Variants in SH3GL2 observed in about 807,000 individuals in gnomAD.
SH3GL2 encodes endophilin-A1.
Under a neutral mutation model 46.0 loss-of-function variants are expected in SH3GL2, and 24 were observed. The ratio of observed to expected loss-of-function variants is 0.52; its 90% confidence interval spans 0.38 to 0.73. SH3GL2 has a LOEUF of 0.73. SH3GL2 is among the 30% of genes least tolerant of loss of function. The pLI is 0.00. For missense variants in SH3GL2, 413 were observed against 424.2 expected, an observed-to-expected ratio of 0.97 and a Z score of 0.23; for synonymous variants, 196 against 147.1, an observed-to-expected ratio of 1.33 and a Z score of -2.40.
At chr9:17,699,910 TTA>T (rs1821304405) in intron 1 of SH3GL2, among the ~76,000 whole-genome samples, 1 of 152,180 alleles carries the variant, frequency 6.6e-6, no homozygotes, top group East Asian at 1.9e-4. Flanking sequence ...CACTCAGGAG[TTA>T]TGTTGCTGTA....
intron 1 of SH3GL2, among the ~76,000 whole-genome samples, chr9:17,591,845 G>C (rs887307692): frequency 2.6e-5 from 4 of 152,154 alleles, no homozygotes; most frequent in Admixed American, 2.6e-4. Context: ...TTCTGTAGGC[G>C]CTTTCCACAT....
At chr9:17,782,320 T>C (rs1259102194) in intron 3 of SH3GL2, among the ~76,000 whole-genome samples, 1 of 152,126 alleles carries the variant, frequency 6.6e-6, no homozygotes, top group African/African-American at 2.4e-5. Context: ...TTTTTCTGAT[T>C]CTGTGAGAGC....
chr9:17,599,053 A>G (rs923679679), intron 1 of SH3GL2, among the ~76,000 whole-genome samples: 5 of 152,254 alleles, frequency 3.3e-5, no homozygotes, highest in Non-Finnish European at 5.9e-5. Context: ...AAAATCATCA[A>G]AAAAGAATAG....
chr9:17,681,873 A>G (rs1820778157), intron 1 of SH3GL2, among the ~76,000 whole-genome samples: 1 of 152,182 alleles, frequency 6.6e-6, no homozygotes, highest in Admixed American at 6.5e-5. Context: ...AACCCCATCA[A>G]AAAGTAGGCA....
intron 1 of SH3GL2, among the ~76,000 whole-genome samples, chr9:17,638,162 A>C (rs564445763): frequency 1.4e-4 from 22 of 151,992 alleles, no homozygotes; most frequent in Middle Eastern, 3.4e-3. Context: ...CTCTCAAAAA[A>C]AAAACAAAAA....
intron 1 of SH3GL2, among the ~76,000 whole-genome samples, chr9:17,711,283 G>T (rs1037045954): frequency 1.3e-5 from 2 of 151,846 alleles, no homozygotes; most frequent in African/African-American, 4.8e-5. Flanking sequence ...CCTTGACTTT[G>T]ATGGGATGTC....
chr9:17,591,321 C>G (rs1392381720), intron 1 of SH3GL2: 1 of 151,608 alleles, frequency 6.6e-6, no homozygotes, highest in East Asian at 1.9e-4. Context: ...TCTAAATTAC[C>G]TAAATTCTTA....
intron 3 of SH3GL2, among the ~76,000 whole-genome samples, chr9:17,774,175 A>G (rs1823574883): frequency 6.6e-6 from 1 of 152,104 alleles, no homozygotes; most frequent in Non-Finnish European, 1.5e-5. Context: ...GAATTCATTT[A>G]TTAGTTCTGA....
rs763229461 is a variant in SH3GL2 at position 17,761,064 on chromosome 9, A to G, written c.115-373A>G. On this transcript the variant is annotated intron_variant, in intron 2 of 8. Transcript: ENST00000380607. ...GAATAAGCAGAGTTGATGCTGCATG[A>G]TTCTTTCTTGAGGGCAGCAAAATCT... is the stretch of plus-strand genomic sequence containing the variant. 5.3e-5 allele frequency among the ~76,000 whole-genome samples: 8 copies of G among 152,348 alleles called. No homozygotes were observed. In the South Asian group the frequency reaches 1.5e-3, roughly 28 times the overall value.
At chr9:17,682,112 G>A (rs1400480663) in intron 1 of SH3GL2, among the ~76,000 whole-genome samples, 1 of 152,096 alleles carries the variant, frequency 6.6e-6, no homozygotes, top group East Asian at 1.9e-4. Context: ...ACTGTTGGTG[G>A]GAATGTAAAT....
At chr9:17,588,951 A>G (rs1015056580) in intron 1 of SH3GL2, among the ~76,000 whole-genome samples, 1 of 152,302 alleles carries the variant, frequency 6.6e-6, no homozygotes, top group East Asian at 1.9e-4. Context: ...TAGCCTAGCT[A>G]TGTGCCCAGG....
At chr9:17,723,204 G>A (rs556902546) in intron 1 of SH3GL2, among the ~76,000 whole-genome samples, 2 of 152,066 alleles carry the variant, frequency 1.3e-5, no homozygotes, top group East Asian at 3.9e-4. Context: ...CTCACCTTAA[G>A]TATTTTTTAT....
intron 3 of SH3GL2, among the ~76,000 whole-genome samples, chr9:17,776,189 C>T (rs574496239): frequency 5.9e-5 from 9 of 152,156 alleles, no homozygotes; most frequent in South Asian, 2.1e-4. Flanking sequence ...TTGTGCTGGG[C>T]ATGTACGTTC....
chr9:17,717,925 C>G (rs1267440925), intron 1 of SH3GL2, among the ~76,000 whole-genome samples: 17 of 151,960 alleles, frequency 1.1e-4, no homozygotes, highest in Non-Finnish European at 1.5e-5. Flanking sequence ...CTCTGGGTTC[C>G]ACATAATTAA....
chr9:17,741,161 GTTAA>G (rs1822517552), intron 1 of SH3GL2, among the ~76,000 whole-genome samples: 2 of 152,080 alleles, frequency 1.3e-5, no homozygotes, highest in East Asian at 3.9e-4. Context: ...TTTATAGAAT[GTTAA>G]TTAAAGTAAT....
intron 8 of SH3GL2, among the ~76,000 whole-genome samples, chr9:17,793,728 A>G (rs1426958104): frequency 6.6e-6 from 1 of 152,076 alleles, no homozygotes; most frequent in Non-Finnish European, 1.5e-5. Flanking sequence ...TTCTTTGTAT[A>G]TCCCATTTTC....
At chr9:17,654,917 GCTC>G (rs1158913523) in intron 1 of SH3GL2, among the ~76,000 whole-genome samples, 3 of 152,180 alleles carry the variant, frequency 2.0e-5, no homozygotes, top group East Asian at 3.8e-4. Context: ...ACAAAGTCAT[GCTC>G]CTCCTGGAGG....
chr9:17,709,770 A>G (rs141677673), intron 1 of SH3GL2, among the ~76,000 whole-genome samples: 1 of 151,760 alleles, frequency 6.6e-6, no homozygotes, highest in African/African-American at 2.4e-5. Context: ...ATATGGCAAT[A>G]TTTTAATATT....
At chr9:17,682,907 C>G (rs76880676) in intron 1 of SH3GL2, among the ~76,000 whole-genome samples, 666 of 152,150 alleles carry the variant, frequency 4.4e-3, no homozygotes, top group Non-Finnish European at 6.1e-3. Context: ...TGACAAGAAA[C>G]CTTCTGTGAA....
Sources: gnomAD v4.1 joint callset for allele counts (sites outside exome capture counted in the v4.1 genomes callset) on GRCh38, gnomAD v4.1.1 for gene constraint, MANE v1.5 for transcripts, NCBI Gene and HGNC (gene_info 2026-07-23, HGNC 2026-07-21) for gene names.